Variants in CDK14 observed in about 807,000 individuals in gnomAD.
CDK14 encodes cyclin-dependent kinase 14.
In CDK14, 34 loss-of-function variants were observed where a neutral mutation model predicts 60.7. The ratio of observed to expected loss-of-function variants is 0.56; its 90% CI spans 0.43 to 0.75. The LOEUF is 0.75. Ranked by LOEUF, CDK14 falls within the 30% of genes least tolerant of loss-of-function variation. The pLI, the probability that CDK14 is intolerant of heterozygous loss-of-function variation, is 0.00. For synonymous variants in CDK14, 197 were observed against 203.7 expected (o/e 0.97, Z 0.28); for missense variants, 482 against 564.1 (o/e 0.85, Z 1.47).
intron 2 of CDK14, among the ~76,000 whole-genome samples, chr7:90,675,198 A>T (rs1275627523): frequency 6.6e-6 from 1 of 152,016 alleles, no homozygotes; most frequent in Non-Finnish European, 1.5e-5. Flanking sequence ...CCTATATAGT[A>T]GGGATTTTTT....
At chr7:90,719,547 A>C (rs892422549) in intron 2 of CDK14, among the ~76,000 whole-genome samples, 1 of 152,182 alleles carries the variant, frequency 6.6e-6, no homozygotes, top group African/African-American at 2.4e-5. Flanking sequence ...TTGGAGCCTC[A>C]TACACTGTTT....
intron 5 of CDK14, among the ~76,000 whole-genome samples, chr7:90,798,091 T>G (rs1044749661): frequency 6.6e-6 from 1 of 152,106 alleles, no homozygotes; most frequent in Admixed American, 6.5e-5. Flanking sequence ...CAGGGAATGA[T>G]AGAAAAATAG....
intron 2 of CDK14, among the ~76,000 whole-genome samples, chr7:90,690,320 T>C (rs947042942): frequency 6.6e-6 from 1 of 152,176 alleles, no homozygotes; most frequent in African/African-American, 2.4e-5. Context: ...CTGCCTATAT[T>C]TGAATTGTAG....
intron 10 of CDK14, among the ~76,000 whole-genome samples, chr7:91,028,231 A>C (rs1395832009): frequency 1.3e-5 from 2 of 151,460 alleles, no homozygotes; most frequent in Non-Finnish European, 2.9e-5. Context: ...ACATTATTTT[A>C]TTCTTTGTAT....
chr7:90,757,847 C>T (rs1437561921), intron 4 of CDK14, among the ~76,000 whole-genome samples: 4 of 152,200 alleles, frequency 2.6e-5, no homozygotes, highest in Non-Finnish European at 5.9e-5. Flanking sequence ...AAGTGATCCA[C>T]CCACCTCGGC....
intron 2 of CDK14, among the ~76,000 whole-genome samples, chr7:90,616,777 C>T (rs1279338249): frequency 6.6e-6 from 1 of 152,098 alleles, no homozygotes; most frequent in Non-Finnish European, 1.5e-5. Flanking sequence ...GATTAAAACC[C>T]ATAAAAGTGA....
chr7:91,056,877 A>C, intron 11 of CDK14, among the ~76,000 whole-genome samples: 1 of 152,190 alleles, frequency 6.6e-6, no homozygotes, highest in East Asian at 1.9e-4. Flanking sequence ...ATACGTGTGT[A>C]CGTGTCTTTA....
At chr7:90,903,734 A>G (rs977405897) in intron 7 of CDK14, among the ~76,000 whole-genome samples, 5 of 152,226 alleles carry the variant, frequency 3.3e-5, no homozygotes, top group Non-Finnish European at 7.3e-5. Context: ...CCCAAGACAA[A>G]GAAATTATAA....
In CDK14 at chr7:90,775,408, T is replaced by C. The variant is rs1474517214; in HGVS notation, c.465-15165T>C. Among the ~76,000 whole-genome samples, 6 of 151,346 alleles carry C rather than the reference T, an allele frequency of 4.0e-5. 1 individual carries two copies. Among genetic ancestry groups the C allele is most frequent in the Non-Finnish European group, 8.8e-5 (6 of 67,992 alleles). On this transcript the variant is annotated intron_variant, in intron 4 of 14. Coordinates refer to ENST00000380050, the MANE Select transcript of CDK14 (RefSeq NM_001287135.2). ...GGAAAAGTGATAATATCAAGAAGTA[T>C]ATCCATTTCTTTTCTGCTTTTCTAA...
At chr7:90,868,646 T>A (rs979297515) in intron 6 of CDK14, among the ~76,000 whole-genome samples, 2 of 152,128 alleles carry the variant, frequency 1.3e-5, no homozygotes, top group Non-Finnish European at 2.9e-5. Context: ...ACTGTATCAA[T>A]AGAAATCATA....
At chr7:90,855,242 T>C (rs1790783859) in intron 5 of CDK14, among the ~76,000 whole-genome samples, 1 of 152,198 alleles carries the variant, frequency 6.6e-6, no homozygotes, top group Non-Finnish European at 1.5e-5. Flanking sequence ...TGTACCAGGA[T>C]AGAAAAAGAG....
At chr7:90,601,962 G>GTATC (rs1799325903) in intron 1 of CDK14, among the ~76,000 whole-genome samples, 1 of 151,000 alleles carries the variant, frequency 6.6e-6, no homozygotes, top group South Asian at 2.1e-4. Context: ...ATGTATGTAT[G>GTATC]TATGTATGTA....
chr7:91,149,514 T>TA (rs774642221), intron 14 of CDK14, among the ~76,000 whole-genome samples: 5 of 152,200 alleles, frequency 3.3e-5, no homozygotes, highest in Non-Finnish European at 7.4e-5. Context: ...AGCTAATGCA[T>TA]AAAATGTTAA....
At chr7:90,803,352 C>A (rs1788714069) in intron 5 of CDK14, among the ~76,000 whole-genome samples, 1 of 151,990 alleles carries the variant, frequency 6.6e-6, no homozygotes, top group Non-Finnish European at 1.5e-5. Flanking sequence ...CAAAAAGGCA[C>A]CCAAATATTT....
chr7:91,206,629 G>A (rs536888914), intron 14 of CDK14, among the ~76,000 whole-genome samples: 3 of 152,302 alleles, frequency 2.0e-5, no homozygotes, highest in Admixed American at 1.3e-4. Flanking sequence ...TATACAGGAT[G>A]TTGGGAAGAG....
chr7:90,941,999 T>C (rs1033657563), intron 8 of CDK14, among the ~76,000 whole-genome samples: 4 of 152,212 alleles, frequency 2.6e-5, no homozygotes, highest in African/African-American at 9.6e-5. Flanking sequence ...GCAGCTGATA[T>C]CTGGCTGTTA....
At chr7:90,830,989 C>T (rs1297156541) in intron 5 of CDK14, among the ~76,000 whole-genome samples, 1 of 152,194 alleles carries the variant, frequency 6.6e-6, no homozygotes, top group African/African-American at 2.4e-5. Context: ...TTGGTCAAAA[C>T]CATTCAACAA....
intron 10 of CDK14, among the ~76,000 whole-genome samples, chr7:90,995,307 A>G (rs1795653343): frequency 6.6e-6 from 1 of 152,182 alleles, no homozygotes; most frequent in Non-Finnish European, 1.5e-5. Context: ...TGTAAACCTG[A>G]GGCTTGACCT....
chr7:91,135,691 A>T (rs1273752831), intron 14 of CDK14, among the ~76,000 whole-genome samples: 1 of 152,178 alleles, frequency 6.6e-6, no homozygotes, highest in African/African-American at 2.4e-5. Flanking sequence ...TTGTCCTAGC[A>T]AAGTTACGTT....
Sources: allele counts gnomAD v4.1 joint callset (sites outside exome capture counted in the v4.1 genomes callset), GRCh38; gene constraint gnomAD v4.1.1; transcripts MANE v1.5; gene names NCBI Gene and HGNC (gene_info 2026-07-23, HGNC 2026-07-21).